The following AKAP19 variants were observed in gnomAD, a reference collection of about 807,000 sequenced individuals.
AKAP19 encodes small A-kinase anchoring protein.
chr2:190,028,167 C>T, the AKAP19 span, among the ~76,000 whole-genome samples: 6 of 151,910 alleles, frequency 3.9e-5, no homozygotes, highest in African/African-American at 1.5e-4. Context: ...GAGATATATA[C>T]AAAAATTCAT....
chr2:189,987,687 A>G, the AKAP19 span, among the ~76,000 whole-genome samples: 5 of 152,262 alleles, frequency 3.3e-5, no homozygotes, highest in Admixed American at 6.5e-5. Flanking sequence ...CTAAAATATC[A>G]GACCAGATGT....
At chr2:190,190,166 A>G in the AKAP19 span, among the ~76,000 whole-genome samples, 1 of 152,224 alleles carries the variant, frequency 6.6e-6, no homozygotes, top group Non-Finnish European at 1.5e-5. Context: ...TAACATACCA[A>G]TTAAGATATA....
the AKAP19 span, among the ~76,000 whole-genome samples, chr2:190,018,030 T>A: frequency 1.3e-5 from 2 of 152,222 alleles, no homozygotes; most frequent in Middle Eastern, 3.2e-3. Context: ...TTATTTGAAC[T>A]ACCTTGTATA....
At chr2:190,014,912 C>T in the AKAP19 span, among the ~76,000 whole-genome samples, 1 of 152,208 alleles carries the variant, frequency 6.6e-6, no homozygotes, top group East Asian at 1.9e-4. Flanking sequence ...CCTTTGACTC[C>T]ATGTCTCACA....
chr2:190,199,960 T>G, the AKAP19 span: 2 of 1,614,104 alleles, frequency 1.2e-6, no homozygotes, highest in Non-Finnish European at 1.7e-6. Flanking sequence ...AGAAGAGAGA[T>G]GTCTACCTAG....
At chr2:189,973,678 T>C in the AKAP19 span, among the ~76,000 whole-genome samples, 3 of 152,236 alleles carry the variant, frequency 2.0e-5, no homozygotes, top group Non-Finnish European at 4.4e-5. Flanking sequence ...TATTGGTTAT[T>C]CAGGGATTCA....
chr2:189,901,503 A>G, the AKAP19 span, among the ~76,000 whole-genome samples: 1 of 152,026 alleles, frequency 6.6e-6, no homozygotes, highest in Non-Finnish European at 1.5e-5. Context: ...ACACCTGGCT[A>G]ATTTTTGTAG....
the AKAP19 span, among the ~76,000 whole-genome samples, chr2:189,994,297 C>T: frequency 1.3e-5 from 2 of 152,128 alleles, no homozygotes; most frequent in Middle Eastern, 6.8e-3. Context: ...CAGGTGTGAG[C>T]TGCCGCGCCC....
the AKAP19 span, among the ~76,000 whole-genome samples, chr2:190,088,680 T>C: frequency 1.3e-5 from 2 of 152,222 alleles, no homozygotes; most frequent in African/African-American, 4.8e-5. Flanking sequence ...AATTGAGTTT[T>C]AGTTAACTAG....
chr2:189,942,874 A>C, the AKAP19 span, among the ~76,000 whole-genome samples: 7 of 152,260 alleles, frequency 4.6e-5, no homozygotes, highest in African/African-American at 1.4e-4. Flanking sequence ...AAAAGGTTCA[A>C]GATGTGGTCT....
the AKAP19 span, among the ~76,000 whole-genome samples, chr2:190,078,581 C>A: frequency 6.6e-6 from 1 of 151,928 alleles, no homozygotes; most frequent in South Asian, 2.1e-4. Flanking sequence ...GATGTTCAAC[C>A]TCACTCATAA....
At chr2:189,949,999 A>G in the AKAP19 span, among the ~76,000 whole-genome samples, 1 of 147,922 alleles carries the variant, frequency 6.8e-6, no homozygotes. Context: ...TACAGAATCA[A>G]TCATGTTATC....
chr2:190,020,437 C>T, the AKAP19 span, among the ~76,000 whole-genome samples: 1 of 152,120 alleles, frequency 6.6e-6, no homozygotes, highest in African/African-American at 2.4e-5. Flanking sequence ...TTCAACTTCT[C>T]ATGAACAATT....
chr2:190,151,133 T>C, the AKAP19 span, among the ~76,000 whole-genome samples: 1 of 152,238 alleles, frequency 6.6e-6, no homozygotes, highest in Admixed American at 6.5e-5. Flanking sequence ...TGTTTTGATT[T>C]TGCTAATGGG....
the AKAP19 span, among the ~76,000 whole-genome samples, chr2:190,043,113 C>A: frequency 6.6e-6 from 1 of 152,060 alleles, no homozygotes; most frequent in African/African-American, 2.4e-5. Flanking sequence ...TTCTCTCTAG[C>A]TGCCTTTAAC....
At chr2:190,021,423 T>C in the AKAP19 span, among the ~76,000 whole-genome samples, 2 of 152,224 alleles carry the variant, frequency 1.3e-5, no homozygotes, top group Non-Finnish European at 2.9e-5. Flanking sequence ...GTGCACACAC[T>C]TGGTGTTAGA....
the AKAP19 span, among the ~76,000 whole-genome samples, chr2:190,023,491 A>T: frequency 5.3e-4 from 81 of 152,198 alleles, no homozygotes; most frequent in African/African-American, 1.8e-3. Context: ...AAATTTTATG[A>T]CTATAGAATG....
the AKAP19 span, chr2:190,057,426 T>C: frequency 1.2e-6 from 2 of 1,613,622 alleles, no homozygotes; most frequent in Non-Finnish European, 8.5e-7. Context: ...TATGAGGATA[T>C]TTTTGTAAAA....
At chr2:190,113,753 G>T in the AKAP19 span, among the ~76,000 whole-genome samples, 1 of 152,164 alleles carries the variant, frequency 6.6e-6, no homozygotes, top group Non-Finnish European at 1.5e-5. Flanking sequence ...GGTGGATGGA[G>T]TCCTAGTTTG....
Sources: allele counts gnomAD v4.1 joint callset (sites outside exome capture counted in the v4.1 genomes callset), GRCh38; gene constraint gnomAD v4.1.1; transcripts MANE v1.5; gene names NCBI Gene and HGNC (gene_info 2026-07-23, HGNC 2026-07-21).